CHD2: variants seen among roughly 807,000 people sequenced by gnomAD.
CHD2 encodes chromodomain helicase DNA binding protein 2.
CHD2 carries 28 observed loss-of-function variants against 243.9 expected under a neutral mutation model. The observed-to-expected ratio is 0.11, with a 90% CI of 0.09 to 0.16. The LOEUF is 0.16. Among genes scored for constraint, CHD2 ranks in the 10% least tolerant of loss-of-function variants. The pLI, the probability that CHD2 is intolerant of heterozygous loss-of-function variation, is 1.00. For synonymous variants in CHD2, 775 were observed against 779.0 expected, an observed-to-expected ratio of 0.99 and a Z score of 0.09; for missense variants, 1,386 against 2,209.8, an observed-to-expected ratio of 0.63 and a Z score of 7.47.
chr15:93,015,320 C>G (rs1383500140), intron 37 of CHD2, among the ~76,000 whole-genome samples: 3 of 152,202 alleles, frequency 2.0e-5, no homozygotes, highest in Non-Finnish European at 4.4e-5. Context: ...GCCATGTGAT[C>G]TGCCCACCTC....
chr15:92,924,283 C>G (rs1422814878), intron 2 of CHD2, 38 bp from the exon 3 acceptor site: 1 of 1,578,662 alleles, frequency 6.3e-7, no homozygotes, highest in Non-Finnish European at 8.7e-7. Context: ...TGTGTCAGTT[C>G]TTAAATATTT....
intron 35 of CHD2, among the ~76,000 whole-genome samples, chr15:93,010,451 TC>T (rs578146337): frequency 5.2e-4 from 79 of 151,382 alleles, no homozygotes; most frequent in African/African-American, 1.9e-3. Flanking sequence ...AGAGTCTGAC[TC>T]TTTCACTCTA....
chr15:92,942,695 GTGT>G lies in CHD2; in HGVS notation c.827-143_827-141del, dbSNP rs1191107371. ...TGAAATTTTTGATTGAGTCCGTTCT[GTGT>G]TGTTTGTGAGTTTGTACTTATTTCA... On this transcript the variant is annotated intron_variant, in intron 8 of 38. Transcript: ENST00000394196. 2.6e-5 allele frequency: 15 copies of G among 568,416 alleles called. 1 individual carries two copies. The highest frequency in any genetic ancestry group is 2.4e-4 in the South Asian group (8 of 33,034). The allele number at this position is 568,416 out of a possible 1,614,324, so 35.2% of individuals were successfully genotyped here.
At chr15:92,961,089 C>T (rs1379082768) in intron 16 of CHD2, among the ~76,000 whole-genome samples, 1 of 151,890 alleles carries the variant, frequency 6.6e-6, no homozygotes, top group East Asian at 1.9e-4. Context: ...TTGATGTTTA[C>T]GTTGCTTTGG....
chr15:93,024,245 G>T, intron 38 of CHD2, 127 bp from the exon 39 acceptor site: 1 of 800,538 alleles, frequency 1.2e-6, no homozygotes, highest in South Asian at 1.8e-5. Context: ...TAATTTTTTT[G>T]ATTCCTAATA....
chr15:92,904,523 C>T, intron 2 of CHD2: 2 of 996,778 alleles, frequency 2.0e-6, no homozygotes, highest in Non-Finnish European at 2.4e-6. Flanking sequence ...TTGGGACTTT[C>T]CGGTGGGCGG....
chr15:92,940,735 A>G (rs1431873021), intron 7 of CHD2, among the ~76,000 whole-genome samples: 1 of 147,686 alleles, frequency 6.8e-6, no homozygotes, highest in Non-Finnish European at 1.5e-5. Context: ...ATTCATTGTT[A>G]ATATGTGATA....
At chr15:93,020,646 A>G (rs1034540538) in intron 38 of CHD2, 2 of 352,086 alleles carry the variant, frequency 5.7e-6, no homozygotes, top group African/African-American at 4.1e-5. Flanking sequence ...TGAAGAGTCA[A>G]AGTCTTCTGA....
chr15:92,927,122 G>A (rs1474929894), intron 3 of CHD2, 122 bp from the exon 4 acceptor site: 1 of 698,074 alleles, frequency 1.4e-6, no homozygotes, highest in African/African-American at 1.8e-5. Flanking sequence ...CTCATAAATA[G>A]AACTAGCAAA....
intron 35 of CHD2, among the ~76,000 whole-genome samples, chr15:93,010,493 T>G (rs2054378702): frequency 6.6e-6 from 1 of 151,776 alleles, no homozygotes; most frequent in Admixed American, 6.6e-5. Flanking sequence ...TGGCACAATC[T>G]TGGCACTGCA....
At chr15:92,957,708 A>G (rs1396268612) in intron 16 of CHD2, among the ~76,000 whole-genome samples, 1 of 150,538 alleles carries the variant, frequency 6.6e-6, no homozygotes, top group Non-Finnish European at 1.5e-5. Context: ...TTTATTTTTA[A>G]ATTTTAAATT....
chr15:93,011,087 T>G (rs1335953224), intron 35 of CHD2, among the ~76,000 whole-genome samples: 1 of 152,026 alleles, frequency 6.6e-6, no homozygotes, highest in East Asian at 1.9e-4. Flanking sequence ...TTTTTTTTTC[T>G]TCTTTTTAAA....
At chr15:92,973,951 C>T (rs906276706) in intron 19 of CHD2, 2 of 152,192 alleles carry the variant, frequency 1.3e-5, no homozygotes, top group South Asian at 2.1e-4. Context: ...GACTCCTCAC[C>T]TGTCAGTTGA....
Position 92,900,480 on chromosome 15 carries a change from A to C in CHD2, c.-416A>C. 2.5e-6 allele frequency: 1 copy of C among 398,196 alleles called. No individual in the cohort carries two copies. Among genetic ancestry groups the C allele is most frequent in the Non-Finnish European group, 4.4e-6 (1 of 225,752 alleles). The allele number at this position is 398,196 out of a possible 1,614,324, so 24.7% of individuals were successfully genotyped here. On this transcript the variant is annotated 5_prime_UTR_variant, in exon 1 of 39. Transcript: ENST00000394196. ...CTTTCCTAGGGACTTACTGGGGTCG[A>C]TTCGAACCTTTTTTTGGGAGAAAAG...
At chr15:92,996,481 G>A (rs1427406481) in intron 28 of CHD2, among the ~76,000 whole-genome samples, 1 of 152,042 alleles carries the variant, frequency 6.6e-6, no homozygotes, top group African/African-American at 2.4e-5. Flanking sequence ...ATTTTCTTAA[G>A]CCACCACTTG....
chr15:92,940,865 T>A (rs2053357212), intron 7 of CHD2, among the ~76,000 whole-genome samples: 1 of 124,366 alleles, frequency 8.0e-6, no homozygotes, highest in Admixed American at 9.7e-5. Flanking sequence ...TATAAATATA[T>A]AAAAATATAC....
At chr15:92,920,980 T>C (rs2052944002) in intron 2 of CHD2, among the ~76,000 whole-genome samples, 1 of 152,056 alleles carries the variant, frequency 6.6e-6, no homozygotes, top group Admixed American at 6.6e-5. Flanking sequence ...TGCCGGAGCT[T>C]TGGAGTGAGT....
chr15:92,921,146 A>G (rs12916015), intron 2 of CHD2, among the ~76,000 whole-genome samples: 26,316 of 151,972 alleles, frequency 0.17, 3,057 homozygotes, highest in Non-Finnish European at 0.26. Context: ...TCTGATAGGT[A>G]TTGAGCTTAG....
intron 2 of CHD2, among the ~76,000 whole-genome samples, chr15:92,914,132 C>T (rs1301844292): frequency 2.0e-5 from 3 of 152,186 alleles, no homozygotes; most frequent in Non-Finnish European, 4.4e-5. Flanking sequence ...ACAAGACTCA[C>T]AGGGCTGAAA....
Sources: gnomAD v4.1 joint callset for allele counts (sites outside exome capture counted in the v4.1 genomes callset) on GRCh38, gnomAD v4.1.1 for gene constraint, MANE v1.5 for transcripts, NCBI Gene and HGNC (gene_info 2026-07-23, HGNC 2026-07-21) for gene names.